ADGRL3: variants seen among roughly 807,000 people sequenced by gnomAD.
ADGRL3 encodes adhesion G protein-coupled receptor L3.
ADGRL3 carries 62 observed loss-of-function variants against 153.5 expected under a neutral mutation model. The observed-to-expected ratio is 0.40, with a 90% CI of 0.33 to 0.50. The LOEUF (loss-of-function observed/expected upper bound fraction) is 0.50, where lower values mean the gene tolerates loss of function less well. ADGRL3 is among the 20% of genes least tolerant of loss of function. The pLI is 0.47. For synonymous variants in ADGRL3, 710 were observed against 672.5 expected (o/e 1.06, Z -0.86); for missense variants, 1,641 against 1,859.4 (o/e 0.88, Z 2.16).
chr4:61,616,267 G>T (rs768550877), intron 5 of ADGRL3, among the ~76,000 whole-genome samples: 110 of 152,216 alleles, frequency 7.2e-4, no homozygotes, highest in Middle Eastern at 3.4e-3. Context: ...AAAAAGCAGT[G>T]TCTTACTGAA....
At chr4:61,624,571 A>T (rs2075707539) in intron 5 of ADGRL3, among the ~76,000 whole-genome samples, 1 of 152,124 alleles carries the variant, frequency 6.6e-6, no homozygotes, top group Non-Finnish European at 1.5e-5. Context: ...TAAAATGTTT[A>T]TTATATGTAA....
chr4:61,910,660 T>G (rs1204111454), intron 12 of ADGRL3, among the ~76,000 whole-genome samples: 1 of 151,736 alleles, frequency 6.6e-6, no homozygotes, highest in Non-Finnish European at 1.5e-5. Context: ...CATGATAGCC[T>G]TACTACTTTA....
intron 1 of ADGRL3, among the ~76,000 whole-genome samples, chr4:61,244,192 G>A (rs1197419743): frequency 6.6e-6 from 1 of 152,004 alleles, no homozygotes; most frequent in Non-Finnish European, 1.5e-5. Context: ...TAAATATGAT[G>A]AAAGGGGAGG....
intron 4 of ADGRL3, among the ~76,000 whole-genome samples, chr4:61,531,399 T>C (rs1289223530): frequency 2.0e-5 from 3 of 152,124 alleles, no homozygotes; most frequent in Admixed American, 6.5e-5. Context: ...CCCCTTGGGA[T>C]TGTGGAAAGG....
At chr4:61,889,833 G>C (rs141774199) in intron 9 of ADGRL3, among the ~76,000 whole-genome samples, 3 of 152,286 alleles carry the variant, frequency 2.0e-5, no homozygotes, top group African/African-American at 7.2e-5. Flanking sequence ...CTTGCACTAC[G>C]TGTGTAACTG....
At chr4:62,015,682 A>G (rs1013526898) in intron 21 of ADGRL3, among the ~76,000 whole-genome samples, 2 of 152,168 alleles carry the variant, frequency 1.3e-5, no homozygotes, top group African/African-American at 2.4e-5. Flanking sequence ...TAATTTTCAC[A>G]GGGACATTTT....
At chr4:61,690,292 A>G (rs1406265839) in intron 6 of ADGRL3, among the ~76,000 whole-genome samples, 1 of 152,054 alleles carries the variant, frequency 6.6e-6, no homozygotes, top group Admixed American at 6.6e-5. Context: ...AAAAAATAAA[A>G]AATTAGCCAG....
chr4:61,482,640 G>T (rs537001479), intron 2 of ADGRL3, among the ~76,000 whole-genome samples: 28 of 152,180 alleles, frequency 1.8e-4, no homozygotes, highest in African/African-American at 6.5e-4. Context: ...AGATAGAAAA[G>T]GCTTTTTGCA....
At chr4:61,248,627 A>G (rs1325995578) in intron 1 of ADGRL3, among the ~76,000 whole-genome samples, 1 of 152,194 alleles carries the variant, frequency 6.6e-6, no homozygotes, top group African/African-American at 2.4e-5. Flanking sequence ...AAAATTAGCT[A>G]TCTTATATTT....
At chr4:61,421,723 C>A (rs2097209641) in intron 2 of ADGRL3, among the ~76,000 whole-genome samples, 1 of 151,772 alleles carries the variant, frequency 6.6e-6, no homozygotes, top group Non-Finnish European at 1.5e-5. Flanking sequence ...TGATCGGTAC[C>A]ATTAAGTAAA....
intron 2 of ADGRL3, among the ~76,000 whole-genome samples, chr4:61,439,004 G>T (rs1334888523): frequency 1.3e-5 from 2 of 151,958 alleles, no homozygotes; most frequent in African/African-American, 4.8e-5. Flanking sequence ...GGGACCTAAC[G>T]ATAATATGTT....
chr4:61,714,710 CAGTCTGT>C (rs948325832), intron 6 of ADGRL3, among the ~76,000 whole-genome samples: 1 of 152,136 alleles, frequency 6.6e-6, no homozygotes, highest in Non-Finnish European at 1.5e-5. Flanking sequence ...TTCTGGGTGG[CAGTCTGT>C]ATTTCTCAGG....
chr4:61,890,092 A>G (rs2098563854), intron 9 of ADGRL3, among the ~76,000 whole-genome samples: 1 of 152,218 alleles, frequency 6.6e-6, no homozygotes, highest in Admixed American at 6.5e-5. Flanking sequence ...TTAACTAATA[A>G]TAGGTAACTG....
chr4:61,658,243 C>T (rs1169977224), intron 5 of ADGRL3, among the ~76,000 whole-genome samples: 1 of 152,018 alleles, frequency 6.6e-6, no homozygotes, highest in South Asian at 2.1e-4. Context: ...TTTTTTCCAT[C>T]TCCATTATGA....
At chr4:61,888,118 G>T (rs1181337033) in intron 9 of ADGRL3, among the ~76,000 whole-genome samples, 1 of 152,126 alleles carries the variant, frequency 6.6e-6, no homozygotes, top group Non-Finnish European at 1.5e-5. Context: ...ATGCTAAGAA[G>T]GAGTTTTGTT....
rs1029443117 is a variant in ADGRL3 at position 61,650,365 on chromosome 4, G to T, written c.474-26461G>T. 5.9e-5 allele frequency among the ~76,000 whole-genome samples: 9 copies of T among 152,192 alleles called. No homozygotes were observed. In the South Asian group the frequency reaches 6.2e-4, roughly 11 times the overall value. ...AAAAGAAATACATCCTAAGTAACAT[G>T]AGAAGCAATGAGTAAAAGCATGTTA... On this transcript the variant is annotated intron_variant, in intron 5 of 26. Transcript: ENST00000683033.
chr4:61,565,684 C>T (rs2098813446), intron 4 of ADGRL3, among the ~76,000 whole-genome samples: 1 of 151,964 alleles, frequency 6.6e-6, no homozygotes, highest in African/African-American at 2.4e-5. Flanking sequence ...ATTACAGGCT[C>T]CTGCCACCAC....
intron 9 of ADGRL3, among the ~76,000 whole-genome samples, chr4:61,854,685 G>C (rs529287993): frequency 3.9e-5 from 6 of 152,196 alleles, no homozygotes; most frequent in Admixed American, 1.3e-4. Flanking sequence ...AGTGTGGGCT[G>C]CACTAACTTG....
intron 1 of ADGRL3, among the ~76,000 whole-genome samples, chr4:61,300,537 A>G (rs1399353254): frequency 6.6e-6 from 1 of 152,204 alleles, no homozygotes; most frequent in Non-Finnish European, 1.5e-5. Flanking sequence ...AGTTAAAGTG[A>G]GAAAGGAACA....
Sources: allele counts gnomAD v4.1 joint callset (sites outside exome capture counted in the v4.1 genomes callset), GRCh38; gene constraint gnomAD v4.1.1; transcripts MANE v1.5; gene names NCBI Gene and HGNC (gene_info 2026-07-23, HGNC 2026-07-21).